ARHGAP10: variants seen among roughly 807,000 people sequenced by gnomAD.
ARHGAP10 encodes the protein Rho GTPase activating protein 10.
Under a neutral mutation model 108.6 loss-of-function variants are expected in ARHGAP10, and 87 were observed. The observed-to-expected ratio is 0.80, with a 90% CI of 0.67 to 0.96. ARHGAP10 has a LOEUF of 0.96. Among genes scored for constraint, ARHGAP10 ranks in the 40% least tolerant of loss-of-function variants. The pLI, the probability that ARHGAP10 is intolerant of heterozygous loss-of-function variation, is 0.00. For missense variants in ARHGAP10, 939 were observed against 954.5 expected (o/e 0.98, Z 0.21); for synonymous variants, 347 against 341.1 (o/e 1.02, Z -0.19).
chr4:147,745,667 A>G (rs1728884417), intron 1 of ARHGAP10, among the ~76,000 whole-genome samples: 2 of 151,470 alleles, frequency 1.3e-5, no homozygotes, highest in African/African-American at 4.9e-5. Flanking sequence ...AATTTTTTGT[A>G]TTTTTAGTAG....
At chr4:148,040,079 A>G (rs965710603) in intron 19 of ARHGAP10, among the ~76,000 whole-genome samples, 2 of 151,994 alleles carry the variant, frequency 1.3e-5, no homozygotes, top group Non-Finnish European at 1.5e-5. Flanking sequence ...CTTTCTTTTC[A>G]CTGTCTGGCT....
At chr4:147,919,442 A>G in intron 13 of ARHGAP10, among the ~76,000 whole-genome samples, 1 of 152,160 alleles carries the variant, frequency 6.6e-6, no homozygotes, top group Non-Finnish European at 1.5e-5. Context: ...AATATTTGCT[A>G]ATAATACATA....
intron 20 of ARHGAP10, 70 bp downstream of exon 20, chr4:148,047,121 T>C: frequency 6.4e-7 from 1 of 1,566,474 alleles, no homozygotes; most frequent in Non-Finnish European, 8.7e-7. Context: ...AAAGTTTCCA[T>C]GAGCAGTGAC....
chr4:147,783,072 AAATT>A (rs1730618476), intron 1 of ARHGAP10, among the ~76,000 whole-genome samples: 1 of 141,976 alleles, frequency 7.0e-6, no homozygotes, highest in African/African-American at 2.5e-5. Flanking sequence ...TATATTATAT[AAATT>A]ATGTGTTAAA....
intron 18 of ARHGAP10, among the ~76,000 whole-genome samples, chr4:147,973,549 A>G (rs531351883): frequency 8.6e-5 from 13 of 151,902 alleles, no homozygotes; most frequent in African/African-American, 2.9e-4. Context: ...ATCCAGTTAT[A>G]CTCTTTTAGT....
intron 15 of ARHGAP10, among the ~76,000 whole-genome samples, chr4:147,954,517 T>C (rs752414929): frequency 1.3e-5 from 2 of 152,078 alleles, no homozygotes; most frequent in Admixed American, 6.5e-5. Context: ...ATCTTTGATT[T>C]TTTTTTTAAA....
chr4:148,066,440 A>G (rs1394236012), intron 22 of ARHGAP10, among the ~76,000 whole-genome samples: 1 of 152,236 alleles, frequency 6.6e-6, no homozygotes, highest in African/African-American at 2.4e-5. Flanking sequence ...CAGATCTGCC[A>G]GTTTGGATAA....
At chr4:147,978,827 T>A (rs913870033) in intron 18 of ARHGAP10, among the ~76,000 whole-genome samples, 1 of 152,238 alleles carries the variant, frequency 6.6e-6, no homozygotes, top group Non-Finnish European at 1.5e-5. Context: ...GTTGAACAAT[T>A]TTTTCATATG....
At position 147,837,643 on chromosome 4, in the gene ARHGAP10, G is replaced by GTT. The variant is rs59933316; in HGVS notation, c.313-9490_313-9489dup. The stretch of plus-strand genomic sequence containing the variant: ...CACCTCGCTAGAATCTCTGGTCACT[G>GTT]TTTTTTTTTTTTTTTTTTTAAAGCA... On this transcript the variant is annotated intron_variant, in intron 3 of 22. Coordinates refer to ENST00000336498, the MANE Select transcript of ARHGAP10 (RefSeq NM_024605.4). Among the ~76,000 whole-genome samples the GTT allele has an allele frequency of 1.9e-3, 136 of 70,246 alleles. 9 individuals are homozygous for GTT. In the South Asian group the frequency reaches 0.024, roughly 12 times the overall value. 46.1% of individuals were successfully genotyped at this position (70,246 alleles called of 152,430 possible). A position where few individuals can be genotyped will look rare whatever the true frequency, so the allele number is the denominator to read the frequency against.
chr4:148,066,866 G>T lies in ARHGAP10; in HGVS notation c.2272+2359G>T, dbSNP rs183029376. On this transcript the variant is annotated intron_variant, in intron 22 of 22. Coordinates refer to ENST00000336498, the MANE Select transcript of ARHGAP10 (RefSeq NM_024605.4). ...GGTTTCTGAGTTGCTATAGACGTAT[G>T]GGGGAGAGGCTGCTGACCACGATGC... 2.3e-4 allele frequency among the ~76,000 whole-genome samples: 35 copies of T among 152,324 alleles called. 1 individual carries two copies. The highest frequency in any genetic ancestry group is 4.1e-4 in the South Asian group (2 of 4,820).
chr4:148,044,339 G>GT (rs1728782688), intron 19 of ARHGAP10, among the ~76,000 whole-genome samples: 1 of 152,072 alleles, frequency 6.6e-6, no homozygotes, highest in Non-Finnish European at 1.5e-5. Context: ...GTTTCTCTCG[G>GT]TAGGAGTAAG....
intron 19 of ARHGAP10, among the ~76,000 whole-genome samples, chr4:148,038,460 G>T (rs1728478211): frequency 6.6e-6 from 1 of 152,148 alleles, no homozygotes; most frequent in African/African-American, 2.4e-5. Context: ...TCTTCTCAGA[G>T]CTGTTAGTCT....
chr4:147,841,151 T>TG (rs531189423), intron 3 of ARHGAP10, among the ~76,000 whole-genome samples: 167 of 152,396 alleles, frequency 1.1e-3, no homozygotes, highest in Non-Finnish European at 1.9e-3. Flanking sequence ...TGGTCTTTTA[T>TG]GGAAAAAGTT....
chr4:147,750,336 C>T lies in ARHGAP10; in HGVS notation c.154+17881C>T, dbSNP rs544110147. Among the ~76,000 whole-genome samples the T allele has an allele frequency of 1.7e-4, 26 of 151,980 alleles. No individual in the cohort carries two copies. The South Asian group carries it at 5.0e-3, about 29-fold the overall frequency. Reference sequence around the variant, plus strand: ...GTGTTTAATTTCTTTCTGACTGTGGCGTCAGTTTAATGAATGCATACCAAA... The same window carrying T: ...GTGTTTAATTTCTTTCTGACTGTGGTGTCAGTTTAATGAATGCATACCAAA... On this transcript the variant is annotated intron_variant, in intron 1 of 22. Coordinates refer to ENST00000336498, the MANE Select transcript of ARHGAP10 (RefSeq NM_024605.4).
chr4:147,875,067 T>C lies in ARHGAP10; in HGVS notation c.749T>C (p.Met250Thr). The change falls in exon 8 of 23, where the codon ATG becomes ACG. Residue 250 changes from methionine to threonine, a missense_variant. Met to Thr is a moderately conservative substitution (Grantham distance 81, BLOSUM62 -1). Coordinates refer to ENST00000336498, the MANE Select transcript of ARHGAP10 (RefSeq NM_024605.4). ...ACAAGGTCAGAAGTGGAAGAGCTCATGAACAAAATCAGACAGAATCCCAAG... is the reference window on the plus strand; with the variant it reads ...ACAAGGTCAGAAGTGGAAGAGCTCACGAACAAAATCAGACAGAATCCCAAG... ...EGTRSEVEELMNKIRQNPKDH... is the reference protein window; with the variant it reads ...EGTRSEVEELTNKIRQNPKDH... The C allele has an allele frequency of 6.2e-7, 1 of 1,609,600 alleles. No individual in the cohort carries two copies. Among genetic ancestry groups the C allele is most frequent in the Non-Finnish European group, 8.5e-7 (1 of 1,178,986 alleles).
intron 22 of ARHGAP10, among the ~76,000 whole-genome samples, chr4:148,065,984 A>AAAAG (rs1363991355): frequency 6.6e-6 from 1 of 151,810 alleles, no homozygotes; most frequent in African/African-American, 2.4e-5. Flanking sequence ...CATCTCAAAA[A>AAAAG]AAAAAAAAAA....
intron 10 of ARHGAP10, among the ~76,000 whole-genome samples, chr4:147,894,208 A>C (rs1416282109): frequency 1.3e-5 from 2 of 152,200 alleles, no homozygotes; most frequent in Non-Finnish European, 2.9e-5. Flanking sequence ...GTTACAAAGT[A>C]ATTTTACCCT....
intron 1 of ARHGAP10, among the ~76,000 whole-genome samples, chr4:147,820,912 CA>C (rs1209060083): frequency 6.6e-6 from 1 of 152,054 alleles, no homozygotes; most frequent in Non-Finnish European, 1.5e-5. Flanking sequence ...TTAACACAAC[CA>C]AATTTTATTA....
intron 3 of ARHGAP10, among the ~76,000 whole-genome samples, chr4:147,825,232 C>T (rs1033750313): frequency 6.6e-6 from 1 of 152,072 alleles, no homozygotes; most frequent in African/African-American, 2.4e-5. Context: ...GGTGGATCAC[C>T]TGAGGTCAGA....
Sources: gnomAD v4.1 joint callset for allele counts (sites outside exome capture counted in the v4.1 genomes callset) on GRCh38, gnomAD v4.1.1 for gene constraint, MANE v1.5 for transcripts, NCBI Gene and HGNC (gene_info 2026-07-23, HGNC 2026-07-21) for gene names.